GLDN: variants seen among roughly 807,000 people sequenced by gnomAD.
GLDN encodes the protein gliomedin.
GLDN carries 47 observed loss-of-function variants against 56.5 expected under a neutral mutation model. The ratio of observed to expected loss-of-function variants is 0.83; its 90% CI spans 0.66 to 1.06. The LOEUF (loss-of-function observed/expected upper bound fraction) is 1.06, where lower values mean the gene tolerates loss of function less well. Ranked by LOEUF, GLDN falls within the 50% of genes least tolerant of loss-of-function variation. GLDN has a pLI of 0.00. For synonymous variants in GLDN, 332 were observed against 278.8 expected (o/e 1.19, Z -1.90); for missense variants, 782 against 714.3 (o/e 1.09, Z -1.08).
In GLDN at chr15:51,378,119, G is replaced by A. The variant is rs773328679; in HGVS notation, c.415+619G>A. Among the ~76,000 whole-genome samples, 9 of 152,144 alleles carry A rather than the reference G, an allele frequency of 5.9e-5. No individual in the cohort carries two copies. In the South Asian group the frequency reaches 1.0e-3, roughly 18 times the overall value. On this transcript the variant is annotated intron_variant, in intron 2 of 9. Coordinates refer to ENST00000335449, the MANE Select transcript of GLDN (RefSeq NM_181789.4). ...CCACCTCCCTCTCATTACCTGCCTT[G>A]CATTAGGAGTGCAATGTGAGTTTGC...
At chr15:51,399,028 G>A (rs2038193675) in intron 6 of GLDN, among the ~76,000 whole-genome samples, 2 of 152,180 alleles carry the variant, frequency 1.3e-5, no homozygotes, top group Admixed American at 6.5e-5. Flanking sequence ...TCCTAGAAAG[G>A]AGTCTTTGGT....
intron 2 of GLDN, 84 bp from the exon 3 acceptor site, chr15:51,383,352 A>G: frequency 7.1e-7 from 1 of 1,408,086 alleles, no homozygotes; most frequent in Non-Finnish European, 1.0e-6. Context: ...GTCAGTAGAT[A>G]ATTAGGAGAT....
At chr15:51,396,015 T>C (rs1279935107) in intron 5 of GLDN, among the ~76,000 whole-genome samples, 1 of 152,190 alleles carries the variant, frequency 6.6e-6, no homozygotes, top group Non-Finnish European at 1.5e-5. Context: ...AAGCCATTCA[T>C]GAGGGCTCTG....
chr15:51,342,007 G>A lies in GLDN; in HGVS notation c.323G>A (p.Ser108Asn), dbSNP rs1167012441. 1.3e-6 allele frequency: 2 copies of A among 1,597,520 alleles called. No individual in the cohort carries two copies. Among genetic ancestry groups the A allele is most frequent in the African/African-American group, 1.3e-5 (1 of 74,782 alleles). Residue 108 changes from serine (S) to asparagine (N), a missense_variant, in exon 1 of 10, where the codon AGC becomes AAC. Transcript: ENST00000335449. ...CCCGCGCCGCATATCCGCGCCGAGA[G>A]CCATGACATGCTGATGATGATGACC... ...GEPAPHIRAE[S>N]HDMLMMMTYS...
At chr15:51,412,883 A>G (rs2038481816), downstream of GLDN, among the ~76,000 whole-genome samples, 1 of 152,184 alleles carries the variant, frequency 6.6e-6, no homozygotes, top group Non-Finnish European at 1.5e-5. Context: ...CAGAAACTTT[A>G]CCGTCTATGA....
intron 1 of GLDN, among the ~76,000 whole-genome samples, chr15:51,365,035 G>A (rs532456281): frequency 2.6e-5 from 4 of 152,180 alleles, no homozygotes; most frequent in South Asian, 2.1e-4. Flanking sequence ...GTGTGAAGCT[G>A]GTACTTCAAC....
At chr15:51,372,926 T>G (rs1288162726) in intron 1 of GLDN, among the ~76,000 whole-genome samples, 1 of 152,202 alleles carries the variant, frequency 6.6e-6, no homozygotes, top group East Asian at 1.9e-4. Context: ...GCCTTCTTCC[T>G]GCATCATTCC....
At chr15:51,412,185 C>A (rs1409726664), downstream of GLDN, among the ~76,000 whole-genome samples, 2 of 152,180 alleles carry the variant, frequency 1.3e-5, no homozygotes, top group Non-Finnish European at 2.9e-5. Context: ...GAAGCTCACC[C>A]ACTGTCGCTC....
At position 51,401,664 on chromosome 15, in the gene GLDN, T is replaced by C. The variant is rs146917232; in HGVS notation, c.1099T>C (p.Tyr367His). 2.6e-5 allele frequency: 42 copies of C among 1,614,132 alleles called. No homozygotes were observed. In the African/African-American group the frequency reaches 5.5e-4, roughly 21 times the overall value. Residue 367 changes from tyrosine (Y) to histidine (H), a missense_variant, in exon 9 of 10, where the codon TAC becomes CAC. Transcript: ENST00000335449. ...CAGTTACACGTTCATCCACCTTCCA[T>C]ACTATTTCCATGGCTGTGGGCACGT... ...NGSYTFIHLP[Y>H]YFHGCGHVVY...
rs113427042 is a variant in GLDN, at chr15:51,356,163, C to T, written c.363+14116C>T. Among the ~76,000 whole-genome samples the T allele has an allele frequency of 5.2e-3, 788 of 150,622 alleles. 6 individuals are homozygous for T. Among genetic ancestry groups the T allele is most frequent in the African/African-American group, 0.019 (758 of 40,740 alleles). ...TGGAGGTTGCAGTGAGCCGAAATCG[C>T]GCCACTGCACTATAGCTGGGGAACA... On this transcript the variant is annotated intron_variant, in intron 1 of 9. Coordinates refer to ENST00000335449, the MANE Select transcript of GLDN (RefSeq NM_181789.4).
chr15:51,370,358 C>G (rs1318233634), intron 1 of GLDN, among the ~76,000 whole-genome samples: 1 of 152,148 alleles, frequency 6.6e-6, no homozygotes, highest in East Asian at 1.9e-4. Flanking sequence ...TAAGGTCAAC[C>G]CCACCTGTTT....
At chr15:51,412,878 A>G (rs1014302360), downstream of GLDN, among the ~76,000 whole-genome samples, 2 of 152,062 alleles carry the variant, frequency 1.3e-5, no homozygotes, top group African/African-American at 4.8e-5. Context: ...TGCAACAGAA[A>G]CTTTACCGTC....
In GLDN at chr15:51,397,445, TC is replaced by T. The variant is rs2038155454; in HGVS notation, c.689-22del. The T allele has an allele frequency of 2.3e-6, 3 of 1,309,366 alleles. No individual in the cohort carries two copies. The East Asian group carries it at 9.3e-5, about 41-fold the overall frequency. The allele number at this position is 1,309,366 out of a possible 1,614,324, so 81.1% of individuals were successfully genotyped here. On this transcript the variant is annotated intron_variant, in intron 5 of 9. Coordinates refer to ENST00000335449, the MANE Select transcript of GLDN (RefSeq NM_181789.4). ...CCCTTCTACCTCTTGCCTCCTTCTC[TC>T]CCTTTCTCTCTCTCTCTCTCCAGGT...
intron 1 of GLDN, 79 bp from the exon 2 acceptor site, chr15:51,377,370 C>A: frequency 1.6e-6 from 2 of 1,238,912 alleles, no homozygotes; most frequent in Non-Finnish European, 1.2e-6. Flanking sequence ...TTTATGATTG[C>A]TTTCTGCTCG....
chr15:51,395,581 C>A (rs1417074592), intron 5 of GLDN, among the ~76,000 whole-genome samples: 1 of 152,050 alleles, frequency 6.6e-6, no homozygotes, highest in Non-Finnish European at 1.5e-5. Context: ...CACTTTAGGA[C>A]AAAAACAGCC....
intron 9 of GLDN, among the ~76,000 whole-genome samples, chr15:51,402,379 C>A (rs1052509483): frequency 6.6e-6 from 1 of 152,210 alleles, no homozygotes; most frequent in African/African-American, 2.4e-5. Context: ...CCTTTGGAGG[C>A]AGAAGCAGGT....
chr15:51,411,560 G>A (rs2038465298), downstream of GLDN, among the ~76,000 whole-genome samples: 4 of 152,144 alleles, frequency 2.6e-5, no homozygotes, highest in South Asian at 8.3e-4. Context: ...AAGCTTTGTG[G>A]GCCACACGGT....
chr15:51,376,207 A>G (rs546412614), intron 1 of GLDN, among the ~76,000 whole-genome samples: 2 of 152,362 alleles, frequency 1.3e-5, no homozygotes, highest in East Asian at 1.9e-4. Context: ...GCCATAGCCT[A>G]CAACACACCT....
chr15:51,387,759 T>C (rs1454209811), intron 4 of GLDN, among the ~76,000 whole-genome samples: 2 of 152,142 alleles, frequency 1.3e-5, no homozygotes, highest in Non-Finnish European at 2.9e-5. Flanking sequence ...AAAAAGCCTG[T>C]GTTCTATTGA....
Sources: gnomAD v4.1 joint callset for allele counts (sites outside exome capture counted in the v4.1 genomes callset) on GRCh38, gnomAD v4.1.1 for gene constraint, MANE v1.5 for transcripts, NCBI Gene and HGNC (gene_info 2026-07-23, HGNC 2026-07-21) for gene names.